The following CLCN3 variants were observed in gnomAD, a reference collection of about 807,000 sequenced individuals.
The protein encoded by CLCN3 is H(+)/Cl(-) exchange transporter 3.
A neutral mutation model predicts 83.4 loss-of-function variants in CLCN3; 16 were observed. The observed-to-expected ratio is 0.19, with a 90% CI of 0.13 to 0.29. The LOEUF (loss-of-function observed/expected upper bound fraction) is 0.29. Among genes scored for constraint, CLCN3 ranks in the 10% least tolerant of loss-of-function variants. CLCN3 has a pLI of 1.00. For synonymous variants in CLCN3, 322 were observed against 346.2 expected (o/e 0.93, Z 0.78); for missense variants, 544 against 1,006.0 (o/e 0.54, Z 6.21).
intron 2 of CLCN3, among the ~76,000 whole-genome samples, chr4:169,679,563 G>C (rs1252415532): frequency 2.6e-5 from 4 of 152,116 alleles, no homozygotes; most frequent in Admixed American, 6.5e-5. Context: ...AGGTTGTAGC[G>C]AGCCGAGATC....
intron 7 of CLCN3, among the ~76,000 whole-genome samples, chr4:169,694,716 G>A (rs1261306629): frequency 6.6e-6 from 1 of 152,130 alleles, no homozygotes; most frequent in Non-Finnish European, 1.5e-5. Context: ...GCAGGCGCCT[G>A]TAATCCCAGC....
intron 2 of CLCN3, among the ~76,000 whole-genome samples, chr4:169,668,934 A>G (rs1560846443): frequency 2.0e-5 from 3 of 152,148 alleles, no homozygotes; most frequent in South Asian, 4.2e-4. Context: ...GATTGGTCTA[A>G]CTTGGATCTA....
intron 12 of CLCN3, among the ~76,000 whole-genome samples, chr4:169,719,454 A>G (rs570124135): frequency 6.6e-6 from 1 of 152,232 alleles, no homozygotes; most frequent in Non-Finnish European, 1.5e-5. Flanking sequence ...ACAGAGCGAG[A>G]CTCTGTCTCA....
At chr4:169,719,079 C>T (rs1185799916) in intron 12 of CLCN3, among the ~76,000 whole-genome samples, 1 of 152,208 alleles carries the variant, frequency 6.6e-6, no homozygotes, top group Non-Finnish European at 1.5e-5. Context: ...ATTTTATATG[C>T]ATTTTATCTT....
intron 1 of CLCN3, among the ~76,000 whole-genome samples, chr4:169,624,323 A>C (rs541387927): frequency 6.6e-6 from 1 of 152,252 alleles, no homozygotes; most frequent in East Asian, 1.9e-4. Flanking sequence ...TAGCAGAGAC[A>C]AGGTTTTACC....
In CLCN3 at chr4:169,690,656, A is replaced by G; in HGVS notation, c.729+4A>G. Reference sequence around the variant, plus strand: ...CTGTGGCTCTGGAATTCCAGAGGTAAGCCAAGTAATATTTAGTGTCATTAA... The same window carrying G: ...CTGTGGCTCTGGAATTCCAGAGGTAGGCCAAGTAATATTTAGTGTCATTAA... On this transcript the variant is annotated splice_donor_region_variant and intron_variant, in intron 6 of 12. Transcript: ENST00000513761. 6.2e-7 allele frequency: 1 copy of G among 1,609,106 alleles called. No homozygotes were observed. Among genetic ancestry groups the G allele is most frequent in the Non-Finnish European group, 8.5e-7 (1 of 1,177,764 alleles).
intron 2 of CLCN3, among the ~76,000 whole-genome samples, chr4:169,649,816 G>T (rs1378277465): frequency 2.6e-5 from 4 of 152,188 alleles, no homozygotes; most frequent in African/African-American, 4.8e-5. Flanking sequence ...GGGCGCGGTG[G>T]CTCATGCCTA....
At position 169,713,067 on chromosome 4, in the gene CLCN3, C is replaced by G; in HGVS notation, c.2150-12C>G. On this transcript the variant is annotated splice_polypyrimidine_tract_variant and intron_variant, in intron 11 of 12. Coordinates refer to ENST00000513761, the MANE Select transcript of CLCN3 (RefSeq NM_001829.4). ...CAGTTTAAAAGTGTTGGTCTCTTCT[C>G]TCTCTTTTCAGAAAGTGCCAGGAAA... 1.9e-6 allele frequency: 3 copies of G among 1,609,120 alleles called. No homozygotes were observed. Among genetic ancestry groups the G allele is most frequent in the Non-Finnish European group, 1.7e-6 (2 of 1,175,784 alleles).
intron 12 of CLCN3, among the ~76,000 whole-genome samples, chr4:169,718,828 G>A (rs930702464): frequency 3.9e-5 from 6 of 152,104 alleles, no homozygotes; most frequent in African/African-American, 1.4e-4. Flanking sequence ...TATTATCGTA[G>A]CTACTCATTC....
At chr4:169,674,498 T>C (rs1731601786) in intron 2 of CLCN3, among the ~76,000 whole-genome samples, 1 of 152,178 alleles carries the variant, frequency 6.6e-6, no homozygotes, top group South Asian at 2.1e-4. Flanking sequence ...GCCTTTCAGC[T>C]AGCTTTTCAA....
chr4:169,651,649 T>G (rs1437879303), intron 2 of CLCN3, among the ~76,000 whole-genome samples: 1 of 152,158 alleles, frequency 6.6e-6, no homozygotes, highest in Non-Finnish European at 1.5e-5. Context: ...GCTCAGGGAA[T>G]CATGACAAGA....
intron 2 of CLCN3, chr4:169,660,272 C>G: frequency 7.8e-7 from 1 of 1,289,576 alleles, no homozygotes; most frequent in Non-Finnish European, 9.8e-7. Flanking sequence ...TGGCATCTCC[C>G]TTGCTTGCTG....
intron 2 of CLCN3, among the ~76,000 whole-genome samples, chr4:169,669,216 C>T (rs1162761042): frequency 1.3e-5 from 2 of 152,010 alleles, no homozygotes; most frequent in Middle Eastern, 3.4e-3. Flanking sequence ...GAGAAAAAGT[C>T]GAGAATAAGA....
At chr4:169,664,824 C>T (rs977182783) in intron 2 of CLCN3, among the ~76,000 whole-genome samples, 4 of 152,126 alleles carry the variant, frequency 2.6e-5, no homozygotes, top group Admixed American at 1.3e-4. Flanking sequence ...TCAAGATTTC[C>T]GAGTGTGAAC....
intron 9 of CLCN3, among the ~76,000 whole-genome samples, chr4:169,701,385 C>T (rs1200328623): frequency 4.6e-5 from 7 of 152,202 alleles, no homozygotes; most frequent in Non-Finnish European, 8.8e-5. Flanking sequence ...AAGTCTTGAA[C>T]CCCTCAGAGT....
chr4:169,658,411 A>G (rs1212708560), intron 2 of CLCN3, among the ~76,000 whole-genome samples: 2 of 152,058 alleles, frequency 1.3e-5, no homozygotes, highest in Admixed American at 6.6e-5. Flanking sequence ...ATCAGGAAAA[A>G]CAAGTTAAGA....
At chr4:169,657,645 T>C (rs537890618) in intron 2 of CLCN3, among the ~76,000 whole-genome samples, 2 of 152,296 alleles carry the variant, frequency 1.3e-5, no homozygotes, top group East Asian at 3.9e-4. Flanking sequence ...CCAGAGAGGT[T>C]GTGATTTATC....
chr4:169,706,683 C>G (rs1483542568), intron 10 of CLCN3, among the ~76,000 whole-genome samples, 185 bp from the exon 11 acceptor site: 1 of 152,106 alleles, frequency 6.6e-6, no homozygotes, highest in Non-Finnish European at 1.5e-5. Flanking sequence ...ATTGGTGTTT[C>G]TCTAGAGCTT....
At chr4:169,632,573 C>T (rs909033694) in intron 1 of CLCN3, among the ~76,000 whole-genome samples, 2 of 151,802 alleles carry the variant, frequency 1.3e-5, no homozygotes, top group Non-Finnish European at 2.9e-5. Flanking sequence ...AAAAATTAGC[C>T]GGGCGCAGTG....
Sources: gnomAD v4.1 joint callset for allele counts (sites outside exome capture counted in the v4.1 genomes callset) on GRCh38, gnomAD v4.1.1 for gene constraint, MANE v1.5 for transcripts, NCBI Gene and HGNC (gene_info 2026-07-23, HGNC 2026-07-21) for gene names.